Variants in GABRB1 observed in about 807,000 individuals in gnomAD.
The protein encoded by GABRB1 is gamma-aminobutyric acid receptor subunit beta-1.
In GABRB1, 17 loss-of-function variants were observed where a neutral mutation model predicts 51.6. That is an observed-to-expected ratio of 0.33 (90% CI 0.23 to 0.49). The LOEUF is 0.49. GABRB1 is among the 20% of genes least tolerant of loss of function. The pLI, the probability that GABRB1 is intolerant of heterozygous loss-of-function variation, is 0.99. For synonymous variants in GABRB1, 247 were observed against 218.9 expected, an observed-to-expected ratio of 1.13 and a Z score of -1.14; for missense variants, 410 against 600.6, an observed-to-expected ratio of 0.68 and a Z score of 3.32.
chr4:47,215,885 A>G (rs1375743949), intron 4 of GABRB1, among the ~76,000 whole-genome samples: 4 of 152,108 alleles, frequency 2.6e-5, no homozygotes, highest in Non-Finnish European at 4.4e-5. Flanking sequence ...CTTCATTCAT[A>G]TTGGATGACA....
chr4:47,204,026 C>T (rs1720013374), intron 4 of GABRB1, among the ~76,000 whole-genome samples: 1 of 152,258 alleles, frequency 6.6e-6, no homozygotes, highest in East Asian at 1.9e-4. Context: ...TCTGAAATTA[C>T]AGTTGCAGAA....
intron 4 of GABRB1, among the ~76,000 whole-genome samples, chr4:47,307,743 T>C (rs903109798): frequency 6.6e-6 from 1 of 151,970 alleles, no homozygotes; most frequent in Admixed American, 6.6e-5. Context: ...ATATATTCTT[T>C]TAGTCATAAG....
chr4:47,350,624 G>A (rs891834347), intron 5 of GABRB1, among the ~76,000 whole-genome samples: 9 of 151,170 alleles, frequency 6.0e-5, no homozygotes, highest in Admixed American at 4.6e-4. Context: ...TATCAAGATA[G>A]AAAAAAAACA....
chr4:47,327,349 G>T (rs1452508993), intron 5 of GABRB1, among the ~76,000 whole-genome samples: 2 of 149,784 alleles, frequency 1.3e-5, no homozygotes, highest in Non-Finnish European at 3.0e-5. Flanking sequence ...AAAAAGAGTA[G>T]GATCTCTTAA....
chr4:47,304,561 T>C (rs1214536875), intron 4 of GABRB1, among the ~76,000 whole-genome samples: 3 of 152,066 alleles, frequency 2.0e-5, no homozygotes, highest in Admixed American at 6.6e-5. Context: ...GGTTTGCAAA[T>C]TCTTTCATTT....
At chr4:47,340,334 A>T (rs1359816895) in intron 5 of GABRB1, among the ~76,000 whole-genome samples, 1 of 152,196 alleles carries the variant, frequency 6.6e-6, no homozygotes, top group Non-Finnish European at 1.5e-5. Flanking sequence ...ACATCAGCCC[A>T]TTCATCTGGC....
At chr4:47,057,649 C>G (rs1040888722) in intron 3 of GABRB1, among the ~76,000 whole-genome samples, 2 of 152,216 alleles carry the variant, frequency 1.3e-5, no homozygotes, top group Non-Finnish European at 2.9e-5. Context: ...CCCTGGCTAA[C>G]TACATAGCAG....
chr4:47,395,868 C>A (rs1032921400), intron 5 of GABRB1, among the ~76,000 whole-genome samples: 3 of 149,848 alleles, frequency 2.0e-5, no homozygotes, highest in African/African-American at 7.4e-5. Context: ...CCAGATTTTT[C>A]CCTCATATAT....
intron 3 of GABRB1, among the ~76,000 whole-genome samples, chr4:47,070,224 T>C (rs1262601929): frequency 6.6e-6 from 1 of 151,646 alleles, no homozygotes; most frequent in Non-Finnish European, 1.5e-5. Flanking sequence ...TTAGTAGAGA[T>C]GTGGTTTCAC....
intron 4 of GABRB1, among the ~76,000 whole-genome samples, chr4:47,171,311 A>AAAGG (rs1159449201): frequency 1.3e-5 from 2 of 152,224 alleles, no homozygotes; most frequent in South Asian, 2.1e-4. Context: ...TGTAAGAAAA[A>AAAGG]AAGGAAGGAA....
chr4:47,172,965 A>T (rs1718507980), intron 4 of GABRB1, among the ~76,000 whole-genome samples: 1 of 152,102 alleles, frequency 6.6e-6, no homozygotes, highest in South Asian at 2.1e-4. Flanking sequence ...GGATAGAGCT[A>T]TTAGGGTAGA....
At chr4:47,212,557 T>A (rs1393035467) in intron 4 of GABRB1, among the ~76,000 whole-genome samples, 1 of 152,104 alleles carries the variant, frequency 6.6e-6, no homozygotes, top group Non-Finnish European at 1.5e-5. Context: ...CATGTGCCTG[T>A]AGTCCCAGCT....
intron 1 of GABRB1, among the ~76,000 whole-genome samples, chr4:47,008,311 T>A (rs539222444): frequency 3.3e-5 from 5 of 152,150 alleles, no homozygotes; most frequent in Non-Finnish European, 7.4e-5. Context: ...AAATATACAT[T>A]TGAAATGATA....
chr4:47,237,792 C>A (rs529208848), intron 4 of GABRB1, among the ~76,000 whole-genome samples: 2 of 151,976 alleles, frequency 1.3e-5, no homozygotes, highest in South Asian at 4.1e-4. Flanking sequence ...AAATGCTTTA[C>A]TATCATAATA....
chr4:47,424,352 G>T (rs1285908184), intron 8 of GABRB1, among the ~76,000 whole-genome samples: 2 of 152,138 alleles, frequency 1.3e-5, no homozygotes, highest in African/African-American at 4.8e-5. Context: ...AATGGGGATG[G>T]GATGGCCTTT....
intron 4 of GABRB1, among the ~76,000 whole-genome samples, chr4:47,172,831 G>A (rs1481007354): frequency 2.0e-5 from 3 of 151,764 alleles, no homozygotes; most frequent in Admixed American, 6.6e-5. Context: ...TAGTAGAGAC[G>A]GAGTTTCACC....
At chr4:47,393,923 A>G (rs1728092945) in intron 5 of GABRB1, among the ~76,000 whole-genome samples, 1 of 152,146 alleles carries the variant, frequency 6.6e-6, no homozygotes, top group African/African-American at 2.4e-5. Context: ...CGTCAAGTAT[A>G]TTTTCCATTG....
At chr4:46,997,431 T>C (rs1199929675) in intron 1 of GABRB1, among the ~76,000 whole-genome samples, 2 of 149,824 alleles carry the variant, frequency 1.3e-5, no homozygotes, top group Non-Finnish European at 3.0e-5. Context: ...TATTATATAA[T>C]ATATAATAAT....
intron 3 of GABRB1, among the ~76,000 whole-genome samples, chr4:47,150,310 T>TCACA (rs36066411): frequency 8.2e-4 from 114 of 138,540 alleles, no homozygotes; most frequent in Admixed American, 2.4e-3. Flanking sequence ...TGAGAATCCA[T>TCACA]CACACACACA....
Sources: allele counts gnomAD v4.1 joint callset (sites outside exome capture counted in the v4.1 genomes callset), GRCh38; gene constraint gnomAD v4.1.1; transcripts MANE v1.5; gene names NCBI Gene and HGNC (gene_info 2026-07-23, HGNC 2026-07-21).